The following SCMH1 variants were observed in gnomAD, a reference collection of about 807,000 sequenced individuals.
SCMH1 encodes polycomb protein SCMH1.
A neutral mutation model predicts 70.8 loss-of-function variants in SCMH1; 37 were observed. The observed-to-expected ratio is 0.52, with a 90% CI of 0.40 to 0.69. The LOEUF is 0.69. Ranked by LOEUF, SCMH1 falls within the 30% of genes least tolerant of loss-of-function variation. SCMH1 has a pLI of 0.00. For missense variants in SCMH1, 607 were observed against 827.3 expected, an observed-to-expected ratio of 0.73 and a Z score of 3.27; for synonymous variants, 292 against 307.4, an observed-to-expected ratio of 0.95 and a Z score of 0.52.
chr1:41,194,469 T>C (rs1207659297), intron 1 of SCMH1, among the ~76,000 whole-genome samples: 1 of 152,178 alleles, frequency 6.6e-6, no homozygotes, highest in African/African-American at 2.4e-5. Context: ...GCAGTGAAAT[T>C]AGATTTCATC....
Position 41,223,789 on chromosome 1 carries a change from C to T in SCMH1, c.-118+18270G>A, listed in dbSNP as rs568236730. On this transcript the variant is annotated intron_variant, in intron 1 of 14. Transcript: ENST00000337495. ...ACCTGTTGTGAGAATCAGATAATAA[C>T]CTGCAAACATTTGGGTAATCTATAA... is the stretch of plus-strand genomic sequence containing the variant. Among the ~76,000 whole-genome samples, 13 of 152,238 alleles carry T rather than the reference C, an allele frequency of 8.5e-5. No individual in the cohort carries two copies. The South Asian group carries it at 2.7e-3, about 32-fold the overall frequency.
intron 11 of SCMH1, 60 bp from the exon 12 acceptor site, chr1:41,046,658 C>A: frequency 7.5e-7 from 1 of 1,338,154 alleles, no homozygotes; most frequent in South Asian, 1.2e-5. Flanking sequence ...CAGCGCTAGG[C>A]AGGACGAGTC....
chr1:41,033,605 G>T (rs1000171195), intron 13 of SCMH1, among the ~76,000 whole-genome samples: 1 of 152,136 alleles, frequency 6.6e-6, no homozygotes, highest in Admixed American at 6.6e-5. Context: ...TTCAAGGAGG[G>T]CTTGTTGTCT....
At chr1:41,169,904 T>A (rs1316136761) in intron 2 of SCMH1, among the ~76,000 whole-genome samples, 1 of 151,864 alleles carries the variant, frequency 6.6e-6, no homozygotes, top group Non-Finnish European at 1.5e-5. Context: ...AGACCCTCGG[T>A]GGAAGCTGTG....
At chr1:41,089,046 G>C (rs557506951) in intron 8 of SCMH1, among the ~76,000 whole-genome samples, 1 of 152,290 alleles carries the variant, frequency 6.6e-6, no homozygotes, top group Non-Finnish European at 1.5e-5. Context: ...CTGAGTTTCT[G>C]CTTTAGTAGG....
intron 1 of SCMH1, among the ~76,000 whole-genome samples, chr1:41,221,482 A>G (rs1023269452): frequency 5.4e-5 from 8 of 148,770 alleles, no homozygotes; most frequent in Admixed American, 2.0e-4. Flanking sequence ...GCAAGATACC[A>G]TTTCTACAAA....
intron 1 of SCMH1, among the ~76,000 whole-genome samples, chr1:41,229,786 G>A (rs530879871): frequency 6.6e-6 from 1 of 152,104 alleles, no homozygotes; most frequent in Non-Finnish European, 1.5e-5. Context: ...ATGTCCTCAT[G>A]GAACTTAACA....
chr1:41,177,582 C>T (rs544031823), intron 2 of SCMH1, among the ~76,000 whole-genome samples: 4 of 152,166 alleles, frequency 2.6e-5, no homozygotes, highest in South Asian at 2.1e-4. Flanking sequence ...ATGAGAACTA[C>T]GTGACGAATG....
chr1:41,028,405 G>A, intron 14 of SCMH1, 86 bp from the exon 16 acceptor site: 3 of 1,561,062 alleles, frequency 1.9e-6, no homozygotes, highest in Non-Finnish European at 1.7e-6. Context: ...CTGATTATAG[G>A]CCATCCTGGG....
chr1:41,195,505 A>G (rs1434716576), intron 1 of SCMH1, among the ~76,000 whole-genome samples: 1 of 152,176 alleles, frequency 6.6e-6, no homozygotes, highest in Non-Finnish European at 1.5e-5. Flanking sequence ...GCATTTGACA[A>G]AATTTAATGT....
At chr1:41,089,609 T>C (rs1662737114) in intron 8 of SCMH1, among the ~76,000 whole-genome samples, 1 of 152,102 alleles carries the variant, frequency 6.6e-6, no homozygotes, top group Admixed American at 6.6e-5. Context: ...TGTTAAAACA[T>C]GCTTCAGATC....
rs370697697 is a variant in SCMH1, at chr1:41,051,745, G to A, written c.1106-2855C>T. ...GCTATAAAGTATGTTTGTATTTTAA[G>A]CCAAGTGTTATTAAAAGAGTCAAAA... On this transcript the variant is annotated intron_variant, in intron 10 of 14. Transcript: ENST00000337495. Among the ~76,000 whole-genome samples, 8 of 152,202 alleles carry A rather than the reference G, an allele frequency of 5.3e-5. 1 individual carries two copies. The East Asian group carries it at 1.2e-3, about 22-fold the overall frequency.
chr1:41,162,920 T>C (rs887454402), intron 2 of SCMH1: 1 of 152,336 alleles, frequency 6.6e-6, no homozygotes, highest in Non-Finnish European at 1.5e-5. Context: ...GCGTACCTCA[T>C]TCTTCCTGGT....
chr1:41,232,427 T>C (rs997316829), intron 1 of SCMH1, among the ~76,000 whole-genome samples: 12 of 152,246 alleles, frequency 7.9e-5, no homozygotes, highest in African/African-American at 2.9e-4. Flanking sequence ...AGATAGAAGA[T>C]ATATTCAGAC....
chr1:41,199,731 G>T (rs1189747343), intron 1 of SCMH1, among the ~76,000 whole-genome samples: 1 of 151,864 alleles, frequency 6.6e-6, no homozygotes, highest in Non-Finnish European at 1.5e-5. Flanking sequence ...TCCACAATAG[G>T]GGGTGGGGGT....
At chr1:41,133,623 G>A (rs1462033445) in intron 6 of SCMH1, among the ~76,000 whole-genome samples, 1 of 151,792 alleles carries the variant, frequency 6.6e-6, no homozygotes, top group African/African-American at 2.4e-5. Flanking sequence ...TGATCCCACA[G>A]AAATACAAAC....
intron 6 of SCMH1, among the ~76,000 whole-genome samples, chr1:41,130,626 T>C (rs1572427351): frequency 6.6e-6 from 1 of 152,190 alleles, no homozygotes; most frequent in Admixed American, 6.5e-5. Flanking sequence ...GTATAAAAAA[T>C]TAGCTTCACA....
At chr1:41,092,418 T>C (rs1663840698) in intron 8 of SCMH1, among the ~76,000 whole-genome samples, 1 of 152,050 alleles carries the variant, frequency 6.6e-6, no homozygotes, top group Non-Finnish European at 1.5e-5. Context: ...ACCATAAAAA[T>C]CCTAGGAGAA....
intron 4 of SCMH1, among the ~76,000 whole-genome samples, chr1:41,154,952 A>G (rs1421873982): frequency 6.6e-6 from 1 of 152,216 alleles, no homozygotes; most frequent in Non-Finnish European, 1.5e-5. Context: ...CAACTAACAC[A>G]TAAACAATAA....
Sources: gnomAD v4.1 joint callset for allele counts (sites outside exome capture counted in the v4.1 genomes callset) on GRCh38, gnomAD v4.1.1 for gene constraint, MANE v1.5 for transcripts, NCBI Gene and HGNC (gene_info 2026-07-23, HGNC 2026-07-21) for gene names.